The following SOX5 variants were observed in gnomAD, a reference collection of about 807,000 sequenced individuals.
SOX5 encodes the protein SRY-box transcription factor 5, also known as transcription factor SOX-5.
Under a neutral mutation model 92.0 loss-of-function variants are expected in SOX5, and 9 were observed. That is an observed-to-expected ratio of 0.10 (90% CI 0.06 to 0.17). SOX5 has a LOEUF of 0.17. SOX5 is among the 10% of genes least tolerant of loss of function. SOX5 has a pLI of 1.00. For synonymous variants in SOX5, 344 were observed against 336.3 expected, an observed-to-expected ratio of 1.02 and a Z score of -0.25; for missense variants, 642 against 944.5, an observed-to-expected ratio of 0.68 and a Z score of 4.20.
intron 8 of SOX5, chr12:23,638,623 A>C (rs1162959091): frequency 6.6e-6 from 1 of 152,224 alleles, no homozygotes; most frequent in Non-Finnish European, 1.5e-5. Context: ...CACCCATCTC[A>C]GCAGGTTTGT....
At chr12:24,265,620 TAAAATG>T (rs1023228629) in intron 3 of SOX5, among the ~76,000 whole-genome samples, 3 of 152,196 alleles carry the variant, frequency 2.0e-5, no homozygotes, top group Non-Finnish European at 4.4e-5. Context: ...GCATTTTTCT[TAAAATG>T]AAAGTAATAT....
intron 9 of SOX5, among the ~76,000 whole-genome samples, chr12:23,593,290 T>C (rs145149724): frequency 3.1e-4 from 47 of 152,250 alleles, no homozygotes; most frequent in African/African-American, 1.1e-3. Context: ...GAAGACCTTT[T>C]CTCCCACATT....
chr12:24,496,336 A>G (rs531380733), intron 1 of SOX5, among the ~76,000 whole-genome samples: 1 of 152,308 alleles, frequency 6.6e-6, no homozygotes, highest in Admixed American at 6.5e-5. Context: ...TTTGGCTTTC[A>G]CTCCATGAAA....
chr12:24,186,068 G>C (rs1955985368), intron 4 of SOX5, among the ~76,000 whole-genome samples: 1 of 151,922 alleles, frequency 6.6e-6, no homozygotes, highest in Non-Finnish European at 1.5e-5. Context: ...AATATGACTG[G>C]GAGAGTCAGT....
At chr12:24,327,734 C>A (rs1342557965) in intron 2 of SOX5, among the ~76,000 whole-genome samples, 1 of 152,042 alleles carries the variant, frequency 6.6e-6, no homozygotes, top group Non-Finnish European at 1.5e-5. Flanking sequence ...CAGGAGCCTG[C>A]CACCACGCCC....
chr12:24,077,108 A>T (rs1377190032), intron 4 of SOX5, among the ~76,000 whole-genome samples: 3 of 152,186 alleles, frequency 2.0e-5, no homozygotes, highest in African/African-American at 7.2e-5. Flanking sequence ...TGCAGATTTA[A>T]CAATCAATAT....
At chr12:23,688,740 G>A (rs2088140285) in intron 6 of SOX5, among the ~76,000 whole-genome samples, 1 of 152,016 alleles carries the variant, frequency 6.6e-6, no homozygotes, top group South Asian at 2.1e-4. Context: ...TAGAAAAATG[G>A]ATCTTAATAT....
Position 23,784,135 on chromosome 12 carries a change from A to G in SOX5, c.482-28411T>C, listed in dbSNP as rs2095335015. 2.0e-5 allele frequency among the ~76,000 whole-genome samples: 3 copies of G among 152,214 alleles called. No homozygotes were observed. In the South Asian group the frequency reaches 6.2e-4, roughly 32 times the overall value. On this transcript the variant is annotated intron_variant, in intron 3 of 14. Coordinates refer to ENST00000451604, the MANE Select transcript of SOX5 (RefSeq NM_006940.6). ...ACGAGAAAGGAAAAAAAAAGTAACC[A>G]TGCACAGGCCTCAGGGTGGGAAGAC...
intron 4 of SOX5, among the ~76,000 whole-genome samples, chr12:23,753,685 T>C (rs2094260364): frequency 6.6e-6 from 1 of 151,822 alleles, no homozygotes; most frequent in South Asian, 2.1e-4. Flanking sequence ...TACGCCACTG[T>C]TCTTGTCTAA....
chr12:24,068,968 C>T (rs1448632720), intron 4 of SOX5, among the ~76,000 whole-genome samples: 1 of 149,944 alleles, frequency 6.7e-6, no homozygotes, highest in East Asian at 2.0e-4. Flanking sequence ...GCATAGCCCC[C>T]AGAAACTTAG....
chr12:24,334,760 A>G (rs1226768147), intron 2 of SOX5, among the ~76,000 whole-genome samples: 1 of 152,188 alleles, frequency 6.6e-6, no homozygotes, highest in Non-Finnish European at 1.5e-5. Flanking sequence ...AGAATGGCCA[A>G]ATCAGTACAT....
intron 1 of SOX5, among the ~76,000 whole-genome samples, chr12:24,518,257 C>T (rs1407645720): frequency 2.0e-5 from 3 of 151,798 alleles, no homozygotes; most frequent in African/African-American, 7.3e-5. Flanking sequence ...TTAGTAGAAA[C>T]GGGGTTTCAC....
intron 6 of SOX5, among the ~76,000 whole-genome samples, chr12:23,691,836 C>G (rs183355842): frequency 2.0e-5 from 3 of 152,166 alleles, no homozygotes; most frequent in African/African-American, 4.8e-5. Flanking sequence ...AGCTTGTGTA[C>G]TATATATTTG....
At chr12:24,134,859 A>G (rs1676621020) in intron 4 of SOX5, among the ~76,000 whole-genome samples, 1 of 152,234 alleles carries the variant, frequency 6.6e-6, no homozygotes, top group Non-Finnish European at 1.5e-5. Flanking sequence ...CATAATGATT[A>G]GTTTCCACTA....
intron 3 of SOX5, among the ~76,000 whole-genome samples, chr12:24,232,751 ACTG>A (rs1329550130): frequency 1.3e-5 from 2 of 152,180 alleles, no homozygotes; most frequent in Non-Finnish European, 2.9e-5. Context: ...CATACCACTC[ACTG>A]TGTTGGTATT....
intron 1 of SOX5, among the ~76,000 whole-genome samples, chr12:23,945,801 G>A (rs1944493951): frequency 1.3e-5 from 2 of 152,070 alleles, no homozygotes; most frequent in African/African-American, 2.4e-5. Context: ...CTGCTAACCT[G>A]AATGTACTTA....
intron 2 of SOX5, among the ~76,000 whole-genome samples, chr12:23,873,760 T>C (rs2096899131): frequency 6.6e-6 from 1 of 152,230 alleles, no homozygotes; most frequent in South Asian, 2.1e-4. Context: ...AAAGAATTGC[T>C]ACCACTGTGA....
chr12:23,902,409 A>C (rs2097244708), intron 1 of SOX5, among the ~76,000 whole-genome samples: 1 of 152,132 alleles, frequency 6.6e-6, no homozygotes, highest in Non-Finnish European at 1.5e-5. Context: ...AATATTATTT[A>C]TCTTAAAGTT....
rs1943657097 is a variant in SOX5, at chr12:24,461,741, TA to T, written c.-250-93103del. ...TACTCTGGCAGTTATGATAGCCAAG[TA>T]AAATAAAAACCTGTTGTTTTTTGAG... On this transcript the variant is annotated intron_variant, in intron 1 of 4. Coordinates refer to the SOX5 transcript ENST00000446891. Among the ~76,000 whole-genome samples, 6 of 152,308 alleles carry T rather than the reference TA, an allele frequency of 3.9e-5. No individual in the cohort carries two copies. In the South Asian group the frequency reaches 1.2e-3, roughly 32 times the overall value.
Sources: allele counts gnomAD v4.1 joint callset (sites outside exome capture counted in the v4.1 genomes callset), GRCh38; gene constraint gnomAD v4.1.1; transcripts MANE v1.5; gene names NCBI Gene and HGNC (gene_info 2026-07-23, HGNC 2026-07-21).